Variants in RASAL2 observed in about 807,000 individuals in gnomAD.
RASAL2 encodes RAS protein activator like 2, also known as ras GTPase-activating protein nGAP.
Under a neutral mutation model 128.9 loss-of-function variants are expected in RASAL2, and 58 were observed. The ratio of observed to expected loss-of-function variants is 0.45; its 90% CI spans 0.36 to 0.56. The LOEUF (loss-of-function observed/expected upper bound fraction) is 0.56, where lower values mean the gene tolerates loss of function less well. Among genes scored for constraint, RASAL2 ranks in the 20% least tolerant of loss-of-function variants. The pLI, the probability that RASAL2 is intolerant of heterozygous loss-of-function variation, is 0.00. For synonymous variants in RASAL2, 561 were observed against 580.8 expected, an observed-to-expected ratio of 0.97 and a Z score of 0.49; for missense variants, 1,360 against 1,601.6, an observed-to-expected ratio of 0.85 and a Z score of 2.57.
At chr1:178,264,915 A>AT (rs1234004985) in intron 1 of RASAL2, among the ~76,000 whole-genome samples, 4 of 152,146 alleles carry the variant, frequency 2.6e-5, no homozygotes, top group Admixed American at 2.0e-4. Flanking sequence ...ACCAGCCCCC[A>AT]TTTGGGGGCC....
chr1:178,327,462 C>T (rs1669090695), intron 3 of RASAL2, among the ~76,000 whole-genome samples: 1 of 152,164 alleles, frequency 6.6e-6, no homozygotes, highest in African/African-American at 2.4e-5. Context: ...CCTCCCACTT[C>T]AGCCTCCTGA....
intron 1 of RASAL2, among the ~76,000 whole-genome samples, chr1:178,245,062 A>G (rs746008083): frequency 2.0e-5 from 3 of 152,192 alleles, no homozygotes; most frequent in African/African-American, 7.2e-5. Flanking sequence ...TTTATAGTAG[A>G]ATGATTTATA....
At chr1:178,189,175 G>A (rs369496682) in intron 1 of RASAL2, among the ~76,000 whole-genome samples, 5 of 152,158 alleles carry the variant, frequency 3.3e-5, no homozygotes, top group South Asian at 4.2e-4. Context: ...AATCATTATG[G>A]CATAAAATAA....
intron 1 of RASAL2, among the ~76,000 whole-genome samples, chr1:178,225,659 A>T: frequency 6.6e-6 from 1 of 151,886 alleles, no homozygotes; most frequent in Non-Finnish European, 1.5e-5. Flanking sequence ...GTATAAATAT[A>T]TGTGTGTTTC....
At chr1:178,133,257 T>TA (rs369778051) in intron 1 of RASAL2, among the ~76,000 whole-genome samples, 1 of 152,216 alleles carries the variant, frequency 6.6e-6, no homozygotes, top group South Asian at 2.1e-4. Context: ...GCTTTACTCT[T>TA]ACGCATTTTG....
intron 3 of RASAL2, among the ~76,000 whole-genome samples, chr1:178,358,751 C>T (rs1021808671): frequency 2.6e-5 from 4 of 152,126 alleles, no homozygotes; most frequent in Admixed American, 2.6e-4. Flanking sequence ...TTTATATACC[C>T]TAAGCCCAGA....
chr1:178,226,351 A>G lies in RASAL2; in HGVS notation c.203-57213A>G, dbSNP rs566937330. On this transcript the variant is annotated intron_variant, in intron 1 of 17. Transcript: ENST00000367649. ...GCTTCTTGTTGTTCTGATTAAGAGAAGAGGAAGAAAAGAAAAACATACAAA... is the reference window on the plus strand; with the variant it reads ...GCTTCTTGTTGTTCTGATTAAGAGAGGAGGAAGAAAAGAAAAACATACAAA... Among the ~76,000 whole-genome samples, 369 of 152,280 alleles carry G rather than the reference A, an allele frequency of 2.4e-3. 1 individual carries two copies. Among genetic ancestry groups the G allele is most frequent in the African/African-American group, 8.6e-3 (357 of 41,552 alleles).
At chr1:178,462,153 C>A (rs899257062) in intron 14 of RASAL2, among the ~76,000 whole-genome samples, 7 of 152,178 alleles carry the variant, frequency 4.6e-5, no homozygotes, top group Non-Finnish European at 8.8e-5. Flanking sequence ...TTACTAACCT[C>A]CTCCCTCAAT....
intron 1 of RASAL2, among the ~76,000 whole-genome samples, chr1:178,277,439 G>C (rs1368097918): frequency 6.6e-6 from 1 of 152,114 alleles, no homozygotes; most frequent in Non-Finnish European, 1.5e-5. Flanking sequence ...GATTATAGGC[G>C]TGAGCCACCG....
chr1:178,370,883 T>C (rs1457774053), intron 3 of RASAL2, among the ~76,000 whole-genome samples: 2 of 152,072 alleles, frequency 1.3e-5, no homozygotes, highest in East Asian at 3.9e-4. Context: ...ATTCAGGATA[T>C]GTTAAGGAGG....
chr1:178,131,281 A>G (rs1039742745), intron 1 of RASAL2, among the ~76,000 whole-genome samples: 1 of 147,512 alleles, frequency 6.8e-6, no homozygotes, highest in South Asian at 2.2e-4. Context: ...ATCATAGCTC[A>G]CTGCAGTCTT....
intron 1 of RASAL2, among the ~76,000 whole-genome samples, chr1:178,182,266 CCTTT>C (rs1320626680): frequency 6.6e-6 from 1 of 152,164 alleles, no homozygotes; most frequent in Non-Finnish European, 1.5e-5. Context: ...CATCATTGTA[CCTTT>C]GTTTGAATAT....
intron 3 of RASAL2, among the ~76,000 whole-genome samples, chr1:178,310,208 G>A (rs1277692033): frequency 6.6e-6 from 1 of 152,176 alleles, no homozygotes; most frequent in Non-Finnish European, 1.5e-5. Context: ...AGTAGTGAAG[G>A]TTGTGCATAA....
intron 1 of RASAL2, among the ~76,000 whole-genome samples, chr1:178,101,625 G>A (rs550211778): frequency 1.1e-4 from 16 of 152,304 alleles, no homozygotes; most frequent in Admixed American, 9.2e-4. Flanking sequence ...AAGTTAAAAT[G>A]AAACCTTAAA....
chr1:178,318,199 A>T (rs1447944589), intron 3 of RASAL2, among the ~76,000 whole-genome samples: 1 of 150,248 alleles, frequency 6.7e-6, no homozygotes, highest in Admixed American at 6.6e-5. Flanking sequence ...TGCTGAGGAG[A>T]GCTTTACTTC....
Position 178,332,764 on chromosome 1 carries a change from A to T in RASAL2, c.457+32646A>T, listed in dbSNP as rs556740123. On this transcript the variant is annotated intron_variant, in intron 3 of 17. Coordinates refer to ENST00000367649, the MANE Select transcript of RASAL2 (RefSeq NM_170692.4). The stretch of plus-strand genomic sequence containing the variant: ...ATAGCTGGGACTACAGGTGCCCGCC[A>T]CCACGCCCAGCTAATTCTTTTTTGT... 2.8e-4 allele frequency among the ~76,000 whole-genome samples: 42 copies of T among 150,706 alleles called. 1 individual carries two copies. The highest frequency in any genetic ancestry group is 3.4e-3 in the Middle Eastern group (1 of 292).
At chr1:178,352,141 T>A (rs895973069) in intron 3 of RASAL2, among the ~76,000 whole-genome samples, 8 of 152,214 alleles carry the variant, frequency 5.3e-5, no homozygotes, top group African/African-American at 1.9e-4. Context: ...TTTTCTAGGA[T>A]TTGACATTTT....
At chr1:178,426,998 G>A (rs912630893) in intron 5 of RASAL2, among the ~76,000 whole-genome samples, 14 of 152,152 alleles carry the variant, frequency 9.2e-5, no homozygotes, top group South Asian at 2.1e-4. Flanking sequence ...GCTCCAAGGC[G>A]GATAGTAGCA....
intron 3 of RASAL2, among the ~76,000 whole-genome samples, chr1:178,318,614 A>G (rs1406393516): frequency 2.7e-5 from 4 of 150,376 alleles, no homozygotes; most frequent in Non-Finnish European, 6.0e-5. Context: ...TAGGATTGCA[A>G]CCCCTGTCTT....
Sources: gnomAD v4.1 joint callset for allele counts (sites outside exome capture counted in the v4.1 genomes callset) on GRCh38, gnomAD v4.1.1 for gene constraint, MANE v1.5 for transcripts, NCBI Gene and HGNC (gene_info 2026-07-23, HGNC 2026-07-21) for gene names.